SAMD3: variants seen among roughly 807,000 people sequenced by gnomAD.
The protein encoded by SAMD3 is sterile alpha motif domain-containing protein 3.
SAMD3 carries 63 observed loss-of-function variants against 58.5 expected under a neutral mutation model. That is an observed-to-expected ratio of 1.08 (90% CI 0.88 to 1.33). SAMD3 has a LOEUF of 1.33. Ranked by LOEUF, SAMD3 falls within the 40% of genes most tolerant of loss-of-function variation. The pLI is 0.00. For missense variants in SAMD3, 604 were observed against 608.4 expected (o/e 0.99, Z 0.08); for synonymous variants, 220 against 210.3 (o/e 1.05, Z -0.40).
intron 1 of SAMD3, among the ~76,000 whole-genome samples, chr6:130,356,302 A>G (rs1432815293): frequency 2.0e-5 from 3 of 152,178 alleles, no homozygotes; most frequent in Non-Finnish European, 4.4e-5. Flanking sequence ...ACTCTAGCTC[A>G]GAGTTTCTGC....
At chr6:130,233,082 TCCCATAGGGCTTCC>T (rs1020033532) in intron 2 of SAMD3, among the ~76,000 whole-genome samples, 1 of 152,032 alleles carries the variant, frequency 6.6e-6, no homozygotes, top group Non-Finnish European at 1.5e-5. Context: ...GGGCACAATC[TCCCATAGGGCTTCC>T]CCCACTTCAG....
chr6:130,279,640 AG>A (rs1774913731), intron 2 of SAMD3, among the ~76,000 whole-genome samples: 1 of 151,992 alleles, frequency 6.6e-6, no homozygotes, highest in South Asian at 2.1e-4. Flanking sequence ...ACCTGCCAGC[AG>A]GCCTGGCTAA....
At chr6:130,183,572 C>T (rs1792615724) in intron 7 of SAMD3, 3 of 363,664 alleles carry the variant, frequency 8.2e-6, no homozygotes, top group African/African-American at 4.3e-5. Flanking sequence ...TCCTAAAGAC[C>T]CTTCCTAACC....
At chr6:130,331,991 C>A (rs1247375057) in intron 1 of SAMD3, among the ~76,000 whole-genome samples, 1 of 152,106 alleles carries the variant, frequency 6.6e-6, no homozygotes, top group Admixed American at 6.5e-5. Context: ...CTCTGACTGT[C>A]ATTTTGAGGG....
intron 2 of SAMD3, among the ~76,000 whole-genome samples, chr6:130,301,584 C>CT (rs1399885628): frequency 6.6e-5 from 10 of 152,052 alleles, no homozygotes; most frequent in Non-Finnish European, 1.3e-4. Flanking sequence ...AAAAACAATT[C>CT]TAAAATTCAT....
intron 2 of SAMD3, among the ~76,000 whole-genome samples, chr6:130,275,030 T>C (rs1375081527): frequency 6.6e-6 from 1 of 152,180 alleles, no homozygotes; most frequent in Non-Finnish European, 1.5e-5. Flanking sequence ...AAATGTAGAA[T>C]TTCAGGTCTC....
At chr6:130,336,500 G>A (rs1203005888) in intron 1 of SAMD3, among the ~76,000 whole-genome samples, 2 of 152,190 alleles carry the variant, frequency 1.3e-5, no homozygotes, top group Non-Finnish European at 2.9e-5. Context: ...TAACATTTTG[G>A]ATAACTGGTT....
intron 2 of SAMD3, among the ~76,000 whole-genome samples, chr6:130,239,641 AACTGGGTC>A (rs1312657485): frequency 3.3e-5 from 5 of 152,234 alleles, no homozygotes; most frequent in Non-Finnish European, 7.3e-5. Flanking sequence ...ACAAGCAAGC[AACTGGGTC>A]ACTTGTCTGA....
intron 9 of SAMD3, among the ~76,000 whole-genome samples, chr6:130,146,496 GCTAAGGTT>G (rs1453232266): frequency 6.6e-6 from 1 of 152,228 alleles, no homozygotes; most frequent in Non-Finnish European, 1.5e-5. Flanking sequence ...GGGTTACCCA[GCTAAGGTT>G]CTAAGATCTT....
intron 5 of SAMD3, among the ~76,000 whole-genome samples, chr6:130,193,898 TCTTC>T (rs1430505977): frequency 6.6e-6 from 1 of 152,042 alleles, no homozygotes; most frequent in Non-Finnish European, 1.5e-5. Flanking sequence ...TTGTCCCAAA[TCTTC>T]CTTCTTTCCC....
intron 2 of SAMD3, among the ~76,000 whole-genome samples, chr6:130,298,255 C>T (rs1775634115): frequency 1.3e-5 from 2 of 152,098 alleles, no homozygotes; most frequent in African/African-American, 4.8e-5. Flanking sequence ...AAAGAAAATG[C>T]TGCCAAGAAT....
At chr6:130,245,537 C>T (rs55737947) in intron 2 of SAMD3, among the ~76,000 whole-genome samples, 18,764 of 152,118 alleles carry the variant, frequency 0.12, 2,964 homozygotes, top group African/African-American at 0.37. Flanking sequence ...TGGCACCTGC[C>T]AGGACAAACA....
In SAMD3 at chr6:130,271,840, C is replaced by T. The variant is rs569945634; in HGVS notation, c.-188+41138G>A. ...CATCTTACATGGTGGCAGGCAAGAG[C>T]GTGTGCAGGGGAACTCTCATTTATA... On this transcript the variant is annotated intron_variant, in intron 2 of 13. Transcript: ENST00000368134. Among the ~76,000 whole-genome samples the T allele has an allele frequency of 6.6e-5, 10 of 152,238 alleles. No individual in the cohort carries two copies. In the South Asian group the frequency reaches 1.7e-3, roughly 25 times the overall value.
intron 4 of SAMD3, among the ~76,000 whole-genome samples, chr6:130,211,307 A>G (rs1795538221): frequency 7.4e-6 from 1 of 136,018 alleles, no homozygotes; most frequent in South Asian, 2.4e-4. Context: ...TTTCTGAGAC[A>G]GAGTCTCACT....
intron 1 of SAMD3, among the ~76,000 whole-genome samples, chr6:130,342,826 AT>A (rs1777314338): frequency 6.6e-6 from 1 of 152,198 alleles, no homozygotes. Context: ...ATCTGATAAA[AT>A]TCTCAAAGGC....
chr6:130,145,504 A>AT (rs560192855), intron 10 of SAMD3, 82 bp from the exon 11 acceptor site: 2 of 911,546 alleles, frequency 2.2e-6, no homozygotes, highest in East Asian at 2.7e-5. Flanking sequence ...AAACATCTGG[A>AT]TTTTTTGTTA....
At chr6:130,291,424 A>T (rs1775357936) in intron 2 of SAMD3, among the ~76,000 whole-genome samples, 1 of 152,136 alleles carries the variant, frequency 6.6e-6, no homozygotes, top group African/African-American at 2.4e-5. Context: ...CCTTTTGAAG[A>T]TGGTAGCTGA....
Position 130,146,022 on chromosome 6 carries a change from C to G in SAMD3, c.1183G>C (p.Asp395His), listed in dbSNP as rs748232522. The G allele has an allele frequency of 1.3e-6, 2 of 1,540,342 alleles. No homozygotes were observed. Among genetic ancestry groups the G allele is most frequent in the African/African-American group, 2.8e-5 (2 of 71,856 alleles). Residue 395 changes from aspartate to histidine, a missense_variant, in exon 10 of 12, where the codon GAC becomes CAC. Coordinates refer to ENST00000439090, the MANE Select transcript of SAMD3 (RefSeq NM_001017373.4). ...AAGGTTTACTAACATTTCAACATGT[C>G]TTCATCTGTGTAATGTTTCATTTTT... ...QEKMKHYTDEDMLKYMKMTAT... is the reference protein window; with the variant it reads ...QEKMKHYTDEHMLKYMKMTAT...
intron 1 of SAMD3, among the ~76,000 whole-genome samples, chr6:130,331,857 G>A (rs1007275808): frequency 6.6e-6 from 1 of 152,202 alleles, no homozygotes. Flanking sequence ...AGCATGGTGA[G>A]GTATGTATTC....
Sources: gnomAD v4.1 joint callset for allele counts (sites outside exome capture counted in the v4.1 genomes callset) on GRCh38, gnomAD v4.1.1 for gene constraint, MANE v1.5 for transcripts, NCBI Gene and HGNC (gene_info 2026-07-23, HGNC 2026-07-21) for gene names.